Variants in HUNK observed in about 807,000 individuals in gnomAD.
HUNK encodes hormonally up-regulated Neu-associated kinase, also known as hormonally up-regulated neu tumor-associated kinase.
Under a neutral mutation model 61.0 loss-of-function variants are expected in HUNK, and 21 were observed. The observed-to-expected ratio is 0.34, with a 90% CI of 0.24 to 0.50. The LOEUF is 0.50. Ranked by LOEUF, HUNK falls within the 20% of genes least tolerant of loss-of-function variation. The pLI is 0.98. For synonymous variants in HUNK, 371 were observed against 386.1 expected (o/e 0.96, Z 0.46); for missense variants, 772 against 945.7 (o/e 0.82, Z 2.41).
chr21:31,965,146 T>C (rs544217346), intron 5 of HUNK, among the ~76,000 whole-genome samples: 1 of 152,236 alleles, frequency 6.6e-6, no homozygotes, highest in African/African-American at 2.4e-5. Context: ...CGGGTTATTA[T>C]AGAACATGGA....
chr21:31,899,783 G>GTTT (rs762964865), intron 1 of HUNK, among the ~76,000 whole-genome samples: 2 of 143,704 alleles, frequency 1.4e-5, no homozygotes, highest in South Asian at 4.5e-4. Flanking sequence ...GCTGCTGTGT[G>GTTT]TTTTTTTTTT....
intron 1 of HUNK, among the ~76,000 whole-genome samples, chr21:31,919,731 C>T (rs772733790): frequency 3.3e-5 from 5 of 152,062 alleles, no homozygotes; most frequent in African/African-American, 7.2e-5. Flanking sequence ...CATGGACGTG[C>T]GGGAGCAGAG....
intron 1 of HUNK, among the ~76,000 whole-genome samples, chr21:31,923,383 T>C (rs1467054141): frequency 3.8e-4 from 58 of 151,512 alleles, no homozygotes; most frequent in Non-Finnish European, 1.6e-4. Context: ...GAGGCTTCAG[T>C]GAGCCATGAT....
intron 6 of HUNK, among the ~76,000 whole-genome samples, chr21:31,968,715 A>AGTGTGTGTGT (rs746064468): frequency 1.5e-4 from 13 of 88,260 alleles, no homozygotes; most frequent in Non-Finnish European, 1.9e-4. Flanking sequence ...CTGTGGCCCG[A>AGTGTGTGTGT]GTGTGTGTGT....
At chr21:31,965,340 A>C (rs945720915) in intron 5 of HUNK, among the ~76,000 whole-genome samples, 7 of 151,976 alleles carry the variant, frequency 4.6e-5, no homozygotes, top group African/African-American at 1.7e-4. Context: ...AAAAAAAAAA[A>C]ACCTATTGGG....
intron 1 of HUNK, among the ~76,000 whole-genome samples, chr21:31,916,668 C>CCT (rs1477628085): frequency 6.6e-6 from 1 of 151,388 alleles, no homozygotes. Flanking sequence ...CTTAAGGTTT[C>CCT]CTCTCTCTTT....
At chr21:31,888,732 C>T (rs2052366021) in intron 1 of HUNK, among the ~76,000 whole-genome samples, 1 of 151,588 alleles carries the variant, frequency 6.6e-6, no homozygotes, top group Non-Finnish European at 1.5e-5. Flanking sequence ...AAGAGTGAAA[C>T]TCCATCTCAA....
chr21:31,940,227 CTTT>C lies in HUNK; in HGVS notation c.610+19_610+21del, dbSNP rs74265539. 322 of 1,297,606 alleles carry C rather than the reference CTTT, an allele frequency of 2.5e-4. No homozygotes were observed. The highest frequency in any genetic ancestry group is 7.2e-4 in the Admixed American group (31 of 42,830). 80.4% of individuals were successfully genotyped at this position (1,297,606 alleles called of 1,614,324 possible). ...AATAATATCAAGCTGATTGGTATGA[CTTT>C]TTTTTTTTTTTAAGCAAAAGTATCT... On this transcript the variant is annotated splice_region_variant and intron_variant, in intron 3 of 10. Transcript: ENST00000270112.
chr21:31,903,700 C>A (rs1057285911), intron 1 of HUNK, among the ~76,000 whole-genome samples: 19 of 152,190 alleles, frequency 1.2e-4, no homozygotes, highest in African/African-American at 4.3e-4. Context: ...TTTACCCCTC[C>A]GTTAACGGAA....
intron 5 of HUNK, among the ~76,000 whole-genome samples, chr21:31,961,880 T>C (rs2052931493): frequency 6.6e-6 from 1 of 152,192 alleles, no homozygotes; most frequent in Non-Finnish European, 1.5e-5. Flanking sequence ...GCCATTTCAT[T>C]GTATTAGTCA....
chr21:31,980,313 G>A (rs2053087080), intron 7 of HUNK, among the ~76,000 whole-genome samples: 1 of 151,468 alleles, frequency 6.6e-6, no homozygotes, highest in African/African-American at 2.4e-5. Flanking sequence ...CCTGTGGTCT[G>A]CCCGCATCGG....
At chr21:31,947,344 C>T (rs982724975) in intron 4 of HUNK, among the ~76,000 whole-genome samples, 3 of 144,678 alleles carry the variant, frequency 2.1e-5, no homozygotes. Context: ...GTGGCGCCTG[C>T]GCATTCCCAC....
At chr21:31,908,924 T>C (rs1473895331) in intron 1 of HUNK, among the ~76,000 whole-genome samples, 1 of 152,112 alleles carries the variant, frequency 6.6e-6, no homozygotes, top group African/African-American at 2.4e-5. Context: ...TTAAATATTT[T>C]GGGGCATACC....
chr21:31,886,502 G>C (rs1043590608), intron 1 of HUNK, among the ~76,000 whole-genome samples: 8 of 151,722 alleles, frequency 5.3e-5, no homozygotes, highest in Non-Finnish European at 1.0e-4. Flanking sequence ...ATGAATTCTG[G>C]GGGGACATAA....
chr21:31,892,160 A>ATATATAT (rs1294310296), intron 1 of HUNK, among the ~76,000 whole-genome samples: 4 of 110,400 alleles, frequency 3.6e-5, no homozygotes, highest in African/African-American at 1.4e-4. Context: ...AAAAAAAAAA[A>ATATATAT]AAATATATAT....
Position 32,000,939 on chromosome 21 carries a change from G to C in HUNK, c.*1755G>C. ...CCCTTGGCCATTGGTGTTATTTTTT[G>C]TATAGCTTCAGACTGGGTTCCAGAA... On this transcript the variant is annotated 3_prime_UTR_variant, in exon 11 of 11. Transcript: ENST00000270112. The C allele has an allele frequency of 2.5e-6, 1 of 392,614 alleles. No homozygotes were observed. Among genetic ancestry groups the C allele is most frequent in the Non-Finnish European group, 4.5e-6 (1 of 222,938 alleles). The allele number at this position is 392,614 out of a possible 1,614,324, so 24.3% of individuals were successfully genotyped here.
chr21:31,990,123 T>A lies in HUNK; in HGVS notation c.1258-6T>A. The A allele has an allele frequency of 6.2e-7, 1 of 1,613,786 alleles. No homozygotes were observed. The highest frequency in any genetic ancestry group is 8.5e-7 in the Non-Finnish European group (1 of 1,179,702). ...TCGAATTGTTGAAGGATGTTCCTTT[T>A]CACAGGCCTCTCTGGACACCTGGAC... is the stretch of plus-strand genomic sequence containing the variant. On this transcript the variant is annotated splice_region_variant and splice_polypyrimidine_tract_variant and intron_variant, in intron 8 of 10. Transcript: ENST00000270112.
intron 5 of HUNK, among the ~76,000 whole-genome samples, chr21:31,960,841 C>T (rs1054738970): frequency 6.6e-6 from 1 of 152,142 alleles, no homozygotes; most frequent in Non-Finnish European, 1.5e-5. Context: ...ACAGCCAAAC[C>T]ATATCACCCA....
chr21:31,892,192 G>T lies in HUNK; in HGVS notation c.261+18257G>T, dbSNP rs867971652. ...ATATATATATATATAGAGAGAGAGA[G>T]AGAGAGAGAGAGAGAGAGTGTGTGT... On this transcript the variant is annotated intron_variant, in intron 1 of 10. Coordinates refer to ENST00000270112, the MANE Select transcript of HUNK (RefSeq NM_014586.2). Among the ~76,000 whole-genome samples, 916 of 143,328 alleles carry T rather than the reference G, an allele frequency of 6.4e-3. 6 individuals are homozygous for T. The highest frequency in any genetic ancestry group is 0.015 in the African/African-American group (542 of 36,176). The allele number at this position is 143,328 out of a possible 152,430, so 94.0% of individuals were successfully genotyped here.
Sources: allele counts gnomAD v4.1 joint callset (sites outside exome capture counted in the v4.1 genomes callset), GRCh38; gene constraint gnomAD v4.1.1; transcripts MANE v1.5; gene names NCBI Gene and HGNC (gene_info 2026-07-23, HGNC 2026-07-21).